RAB28: variants seen among roughly 807,000 people sequenced by gnomAD.
RAB28 encodes the protein ras-related protein Rab-28.
A neutral mutation model predicts 31.7 loss-of-function variants in RAB28; 24 were observed. The ratio of observed to expected loss-of-function variants is 0.76; its 90% confidence interval spans 0.55 to 1.06. The LOEUF (loss-of-function observed/expected upper bound fraction) is 1.06. RAB28 is among the 50% of genes least tolerant of loss of function. The probability of loss-of-function intolerance (pLI) is 0.00; values close to 1 mark genes in which losing one functional copy is unlikely to be tolerated. For missense variants in RAB28, 254 were observed against 258.5 expected (o/e 0.98, Z 0.12); for synonymous variants, 100 against 90.4 (o/e 1.11, Z -0.60).
chr4:13,380,331 A>C lies in RAB28; in HGVS notation c.495+1160T>G, dbSNP rs182992516. 4.4e-4 allele frequency among the ~76,000 whole-genome samples: 67 copies of C among 152,260 alleles called. 1 individual carries two copies. In the East Asian group the frequency reaches 0.012, roughly 28 times the overall value. On this transcript the variant is annotated intron_variant, in intron 5 of 6. Transcript: ENST00000330852. ...AATCTTAAACCACAGAAAAATTTCAAACTTCTTTTAGTTGAAAAATGTCAA... is the reference window on the plus strand; with the variant it reads ...AATCTTAAACCACAGAAAAATTTCACACTTCTTTTAGTTGAAAAATGTCAA...
At chr4:13,440,579 A>G (rs1277807228) in intron 4 of RAB28, among the ~76,000 whole-genome samples, 1 of 152,198 alleles carries the variant, frequency 6.6e-6, no homozygotes, top group Non-Finnish European at 1.5e-5. Flanking sequence ...ATAAAATTAC[A>G]AGATTAGAAA....
intron 6 of RAB28, among the ~76,000 whole-genome samples, chr4:13,372,866 C>T (rs1346403241): frequency 6.6e-6 from 1 of 152,018 alleles, no homozygotes; most frequent in Non-Finnish European, 1.5e-5. Flanking sequence ...ATGTCTATTA[C>T]ATGCCAAGCC....
intron 4 of RAB28, among the ~76,000 whole-genome samples, chr4:13,404,701 T>C (rs1050702531): frequency 1.3e-4 from 20 of 152,278 alleles, no homozygotes; most frequent in African/African-American, 4.8e-4. Context: ...TTATAACTTA[T>C]GGATATATAA....
chr4:13,474,051 T>G (rs1043422416), intron 3 of RAB28: 15 of 558,370 alleles, frequency 2.7e-5, no homozygotes, highest in Non-Finnish European at 4.7e-5. Flanking sequence ...ATCACTGCAT[T>G]TATTGAACTG....
chr4:13,384,737 A>G (rs1025856240), intron 4 of RAB28, among the ~76,000 whole-genome samples: 1 of 152,212 alleles, frequency 6.6e-6, no homozygotes, highest in Admixed American at 6.5e-5. Context: ...TCAAAGACCG[A>G]AAGAACATAA....
At chr4:13,374,157 CAT>C (rs1728831081) in intron 6 of RAB28, among the ~76,000 whole-genome samples, 1 of 152,028 alleles carries the variant, frequency 6.6e-6, no homozygotes, top group Non-Finnish European at 1.5e-5. Context: ...TTTTGACAAA[CAT>C]ATAGAAGAGT....
At chr4:13,419,291 A>G (rs1447136534) in intron 4 of RAB28, among the ~76,000 whole-genome samples, 4 of 152,194 alleles carry the variant, frequency 2.6e-5, no homozygotes, top group Non-Finnish European at 5.9e-5. Context: ...ACTACCACAC[A>G]ATAATAATGG....
At chr4:13,377,800 A>G (rs1050837443) in intron 5 of RAB28, among the ~76,000 whole-genome samples, 2 of 152,252 alleles carry the variant, frequency 1.3e-5, no homozygotes, top group South Asian at 2.1e-4. Context: ...GGACAAAGTA[A>G]GAAACAGTCA....
chr4:13,421,052 CAA>C (rs1713106928), intron 4 of RAB28, among the ~76,000 whole-genome samples: 1 of 152,234 alleles, frequency 6.6e-6, no homozygotes, highest in Non-Finnish European at 1.5e-5. Context: ...GCAACTTCAG[CAA>C]AGTCTCAGGA....
Position 13,369,995 on chromosome 4 carries a change from A to C in RAB28, c.574-1345T>G, listed in dbSNP as rs569540415. Reference sequence around the variant, plus strand: ...CAATTCCATACAACATAAATGAGACAAAGAAAAAAGAATTAAAAAAAAAAA... The same window carrying C: ...CAATTCCATACAACATAAATGAGACCAAGAAAAAAGAATTAAAAAAAAAAA... On this transcript the variant is annotated intron_variant, in intron 6 of 6. Transcript: ENST00000330852. The C allele has an allele frequency of 6.9e-6, 11 of 1,588,802 alleles. No individual in the cohort carries two copies. In the East Asian group the frequency reaches 2.5e-4, roughly 36 times the overall value.
intron 4 of RAB28, among the ~76,000 whole-genome samples, chr4:13,453,775 G>T (rs1192324655): frequency 6.6e-6 from 1 of 151,978 alleles, no homozygotes; most frequent in Admixed American, 6.5e-5. Context: ...TTTGACTTTT[G>T]ACAATTTGGC....
intron 4 of RAB28, among the ~76,000 whole-genome samples, chr4:13,444,831 A>G (rs914447810): frequency 6.6e-6 from 1 of 151,378 alleles, no homozygotes; most frequent in African/African-American, 2.4e-5. Context: ...ATATTCCCCA[A>G]CTTTTATCTC....
At chr4:13,460,155 T>C (rs931225774) in intron 4 of RAB28, among the ~76,000 whole-genome samples, 1 of 152,204 alleles carries the variant, frequency 6.6e-6, no homozygotes, top group African/African-American at 2.4e-5. Context: ...AATGTCTCAA[T>C]AAGTCCTCTG....
intron 4 of RAB28, among the ~76,000 whole-genome samples, chr4:13,441,991 T>C (rs1414398009): frequency 1.3e-5 from 2 of 152,226 alleles, no homozygotes; most frequent in African/African-American, 2.4e-5. Flanking sequence ...ATATGCTTTA[T>C]ACATAACTTG....
At chr4:13,459,696 T>C (rs1715486082) in intron 4 of RAB28, 2 of 928,668 alleles carry the variant, frequency 2.2e-6, no homozygotes, top group Non-Finnish European at 2.6e-6. Context: ...AAAAAAAAAT[T>C]ATATTTCAGA....
intron 6 of RAB28, chr4:13,370,109 TCACA>T: frequency 7.1e-7 from 1 of 1,410,208 alleles, no homozygotes; most frequent in Non-Finnish European, 9.2e-7. Flanking sequence ...TAAACATGTC[TCACA>T]CACACACGCA....
chr4:13,469,622 T>C (rs1716025599), intron 3 of RAB28, among the ~76,000 whole-genome samples: 1 of 152,020 alleles, frequency 6.6e-6, no homozygotes, highest in African/African-American at 2.4e-5. Context: ...TTCATCTATT[T>C]CACTTACTAC....
chr4:13,483,399 T>C (rs545032927), intron 1 of RAB28, among the ~76,000 whole-genome samples: 1 of 152,274 alleles, frequency 6.6e-6, no homozygotes, highest in South Asian at 2.1e-4. Context: ...TGACTGCTTG[T>C]ATCGAGTGCT....
chr4:13,387,245 A>C (rs1729411725), intron 4 of RAB28, among the ~76,000 whole-genome samples: 1 of 152,080 alleles, frequency 6.6e-6, no homozygotes, highest in South Asian at 2.1e-4. Context: ...CGAACTTAAA[A>C]GTTAAAAGAA....
Sources: gnomAD v4.1 joint callset for allele counts (sites outside exome capture counted in the v4.1 genomes callset) on GRCh38, gnomAD v4.1.1 for gene constraint, MANE v1.5 for transcripts, NCBI Gene and HGNC (gene_info 2026-07-23, HGNC 2026-07-21) for gene names.